Variants in ST6GALNAC3 observed in about 807,000 individuals in gnomAD.
ST6GALNAC3 encodes the protein alpha-N-acetylgalactosaminide alpha-2,6-sialyltransferase 3.
In ST6GALNAC3, 25 loss-of-function variants were observed where a neutral mutation model predicts 32.7. The observed-to-expected ratio is 0.76, with a 90% CI of 0.56 to 1.07. ST6GALNAC3 has a LOEUF of 1.07. Ranked by LOEUF, ST6GALNAC3 falls within the 50% of genes least tolerant of loss-of-function variation. ST6GALNAC3 has a pLI of 0.00. For missense variants in ST6GALNAC3, 355 were observed against 382.4 expected, an observed-to-expected ratio of 0.93 and a Z score of 0.60; for synonymous variants, 129 against 133.1, an observed-to-expected ratio of 0.97 and a Z score of 0.21.
At chr1:76,086,038 A>G (rs1332635223) in intron 1 of ST6GALNAC3, among the ~76,000 whole-genome samples, 3 of 152,210 alleles carry the variant, frequency 2.0e-5, no homozygotes, top group Non-Finnish European at 4.4e-5. Context: ...GGCTGGGACT[A>G]AAATTAACCC....
intron 1 of ST6GALNAC3, among the ~76,000 whole-genome samples, chr1:76,208,423 A>C (rs1654956139): frequency 6.6e-6 from 1 of 152,240 alleles, no homozygotes; most frequent in South Asian, 2.1e-4. Flanking sequence ...AAAGTCTATG[A>C]AAAGATTTGG....
chr1:76,146,147 G>T (rs1450232969), intron 1 of ST6GALNAC3, among the ~76,000 whole-genome samples: 1 of 152,192 alleles, frequency 6.6e-6, no homozygotes, highest in Admixed American at 6.5e-5. Flanking sequence ...AATGATTTAA[G>T]CTGTTCTTTA....
intron 2 of ST6GALNAC3, among the ~76,000 whole-genome samples, chr1:76,346,377 C>T (rs17672913): frequency 0.19 from 28,592 of 152,120 alleles, 3,400 homozygotes; most frequent in Admixed American, 0.3. Context: ...GATTCCCCAA[C>T]GGCTTTCCAC....
chr1:76,126,946 A>G (rs17098132), intron 1 of ST6GALNAC3, among the ~76,000 whole-genome samples: 3,057 of 152,320 alleles, frequency 0.02, 103 homozygotes, highest in African/African-American at 0.07. Flanking sequence ...TGTGAATGTC[A>G]TACCTTCAGT....
In ST6GALNAC3 at chr1:76,617,505, A is replaced by T. The variant is rs148633081; in HGVS notation, c.624-9947A>T. On this transcript the variant is annotated intron_variant, in intron 3 of 4. Coordinates refer to ENST00000328299, the MANE Select transcript of ST6GALNAC3 (RefSeq NM_152996.4). ...CCTTAGGTAGAAAAAGGTGATTAGC[A>T]TTCAGAATACTGAAGCCCACATCAA... Among the ~76,000 whole-genome samples the T allele has an allele frequency of 2.0e-5, 3 of 152,352 alleles. No individual in the cohort carries two copies. In the East Asian group the frequency reaches 5.8e-4, roughly 29 times the overall value.
intron 3 of ST6GALNAC3, among the ~76,000 whole-genome samples, chr1:76,589,948 T>TAATC (rs5775351): frequency 0.46 from 69,388 of 151,424 alleles, 17,131 homozygotes; most frequent in East Asian, 0.59. Flanking sequence ...TCTGCTCTCG[T>TAATC]AATCCATTTT....
rs117283537 is a variant in ST6GALNAC3 at position 76,309,974 on chromosome 1, G to T, written c.19-3831G>T. On this transcript the variant is annotated intron_variant, in intron 1 of 4. Transcript: ENST00000328299. ...AATGGTTGACTTATTTTTCTCTCAC[G>T]TATGCATACGTATGTGTTGCTGCAC... 635 of 497,796 alleles carry T rather than the reference G, an allele frequency of 1.3e-3. 11 individuals are homozygous for T. In the East Asian group the frequency reaches 0.033, roughly 26 times the overall value. The allele number at this position is 497,796 out of a possible 1,614,324, so 30.8% of individuals were successfully genotyped here. A position where few individuals can be genotyped will look rare whatever the true frequency, so the allele number is the denominator to read the frequency against.
At chr1:76,230,065 A>G (rs376333874) in intron 1 of ST6GALNAC3, among the ~76,000 whole-genome samples, 133 of 152,332 alleles carry the variant, frequency 8.7e-4, no homozygotes, top group African/African-American at 3.1e-3. Context: ...CTTAGCTTAG[A>G]AACTCCAACT....
intron 1 of ST6GALNAC3, among the ~76,000 whole-genome samples, chr1:76,083,450 G>A (rs1438394809): frequency 6.6e-6 from 1 of 152,264 alleles, no homozygotes; most frequent in East Asian, 1.9e-4. Flanking sequence ...GAAGAGACAC[G>A]AGAACTGCTC....
chr1:76,423,416 T>G (rs1655164680), intron 3 of ST6GALNAC3, among the ~76,000 whole-genome samples: 2 of 152,004 alleles, frequency 1.3e-5, no homozygotes, highest in Non-Finnish European at 2.9e-5. Flanking sequence ...CTTTTTCATT[T>G]ATTGTATGCT....
chr1:76,292,617 G>A (rs1319729308), intron 1 of ST6GALNAC3, among the ~76,000 whole-genome samples: 1 of 152,196 alleles, frequency 6.6e-6, no homozygotes, highest in Non-Finnish European at 1.5e-5. Flanking sequence ...AAGTTGAAAA[G>A]AGGTTAGATT....
chr1:76,179,351 T>C (rs1394369536), intron 1 of ST6GALNAC3, among the ~76,000 whole-genome samples: 1 of 152,162 alleles, frequency 6.6e-6, no homozygotes, highest in African/African-American at 2.4e-5. Flanking sequence ...TCTTAATTCC[T>C]TTCTGTTTTT....
intron 1 of ST6GALNAC3, among the ~76,000 whole-genome samples, chr1:76,163,582 A>C (rs1216050664): frequency 1.3e-5 from 2 of 152,174 alleles, no homozygotes; most frequent in Non-Finnish European, 2.9e-5. Context: ...TTCACATTTT[A>C]ACATCTCTAA....
At chr1:76,441,410 C>G (rs983209158) in intron 3 of ST6GALNAC3, among the ~76,000 whole-genome samples, 1 of 152,002 alleles carries the variant, frequency 6.6e-6, no homozygotes, top group Admixed American at 6.6e-5. Flanking sequence ...CTTAAGCTAG[C>G]AGAGGAAGGA....
Position 76,509,206 on chromosome 1 carries a change from A to G in ST6GALNAC3, c.623+96789A>G, listed in dbSNP as rs1661678727. Reference sequence around the variant, plus strand: ...ACTCAGTGCAGTCTAGGACAAATAAACAGGCAAACAAACAGGAAAACACAA... The same window carrying G: ...ACTCAGTGCAGTCTAGGACAAATAAGCAGGCAAACAAACAGGAAAACACAA... On this transcript the variant is annotated intron_variant, in intron 3 of 4. Transcript: ENST00000328299. This position sits in a 1 kb window ranked among gnomAD's most constrained non-coding sequence, Gnocchi z 5.5. Among the ~76,000 whole-genome samples, 1 of 152,220 alleles carries G rather than the reference A, an allele frequency of 6.6e-6. No individual in the cohort carries two copies.
At chr1:76,119,610 A>G (rs1255621713) in intron 1 of ST6GALNAC3, among the ~76,000 whole-genome samples, 1 of 152,170 alleles carries the variant, frequency 6.6e-6, no homozygotes, top group African/African-American at 2.4e-5. Flanking sequence ...GGGAGGAGGG[A>G]TTTTATTTAC....
At chr1:76,357,130 C>T (rs114480697) in intron 2 of ST6GALNAC3, among the ~76,000 whole-genome samples, 90 of 111,126 alleles carry the variant, frequency 8.1e-4, no homozygotes, top group South Asian at 1.6e-3. Flanking sequence ...TTTTCTTTTT[C>T]TTTTTTTTTT....
At chr1:76,583,203 A>G (rs1646916045) in intron 3 of ST6GALNAC3, among the ~76,000 whole-genome samples, 1 of 152,164 alleles carries the variant, frequency 6.6e-6, no homozygotes, top group South Asian at 2.1e-4. Flanking sequence ...TACTCAGTTG[A>G]AAGTCTTCAG....
At chr1:76,256,480 T>C (rs748043147) in intron 1 of ST6GALNAC3, among the ~76,000 whole-genome samples, 1 of 152,164 alleles carries the variant, frequency 6.6e-6, no homozygotes, top group Non-Finnish European at 1.5e-5. Flanking sequence ...TAGGTGTATT[T>C]TGAAGTGGCG....
Sources: gnomAD v4.1 joint callset for allele counts (sites outside exome capture counted in the v4.1 genomes callset) on GRCh38, gnomAD v4.1.1 for gene constraint, Gnocchi (gnomAD v3.1) non-coding constraint, MANE v1.5 for transcripts, NCBI Gene and HGNC (gene_info 2026-07-23, HGNC 2026-07-21) for gene names.